Variants in OIT3 observed in about 807,000 individuals in gnomAD.
OIT3 encodes oncoprotein induced transcript 3, also known as oncoprotein-induced transcript 3 protein.
In OIT3, 41 loss-of-function variants were observed where a neutral mutation model predicts 52.2. That is an observed-to-expected ratio of 0.79 (90% CI 0.61 to 1.02). The LOEUF (loss-of-function observed/expected upper bound fraction) is 1.02, where lower values mean the gene tolerates loss of function less well. Among genes scored for constraint, OIT3 ranks in the 50% least tolerant of loss-of-function variants. The pLI, the probability that OIT3 is intolerant of heterozygous loss-of-function variation, is 0.00. For missense variants in OIT3, 634 were observed against 715.5 expected (o/e 0.89, Z 1.30); for synonymous variants, 244 against 276.9 (o/e 0.88, Z 1.18).
In OIT3 at chr10:72,932,438, CG is replaced by C. The variant is rs1564598248; in HGVS notation, c.1553del (p.Arg518LeufsTer17). On this transcript the variant is annotated frameshift_variant, in exon 9 of 9. Coordinates refer to ENST00000334011, the MANE Select transcript of OIT3 (RefSeq NM_152635.3). LOFTEE classifies it low-confidence loss of function (END_TRUNC). Reference protein sequence around the residue: ...RCAQGCHRRMRRGAGGEDSAG... With the variant: ...RCAQGCHRRMXRGAGGEDSAG... ...TGCCCAGGGTTGCCACCGGCGAATGCGTCGTGGGGCAGGAGGAGAGGACTCA... is the reference window on the plus strand; with the variant it reads ...TGCCCAGGGTTGCCACCGGCGAATGCTCGTGGGGCAGGAGGAGAGGACTCA... 3 of 1,614,040 alleles carry C rather than the reference CG, an allele frequency of 1.9e-6. No individual in the cohort carries two copies. In the Admixed American group the frequency reaches 5.0e-5, roughly 27 times the overall value.
chr10:72,921,163 T>C (rs774015802), intron 6 of OIT3, among the ~76,000 whole-genome samples: 6 of 152,200 alleles, frequency 3.9e-5, no homozygotes, highest in Non-Finnish European at 8.8e-5. Context: ...GAACCCTTTA[T>C]CATTATGTGA....
chr10:72,913,635 C>A, intron 6 of OIT3, 167 bp downstream of exon 6: 1 of 706,436 alleles, frequency 1.4e-6, no homozygotes, highest in Non-Finnish European at 2.6e-6. Flanking sequence ...TGTTATTGAG[C>A]ATCTGCTGTG....
intron 1 of OIT3, among the ~76,000 whole-genome samples, chr10:72,898,391 A>C (rs1442995082): frequency 6.6e-6 from 1 of 152,212 alleles, no homozygotes; most frequent in Non-Finnish European, 1.5e-5. Flanking sequence ...CCTTGGTCTG[A>C]TCAACTATCC....
At chr10:72,903,146 G>T (rs1419267755) in intron 3 of OIT3, among the ~76,000 whole-genome samples, 1 of 151,974 alleles carries the variant, frequency 6.6e-6, no homozygotes, top group Admixed American at 6.6e-5. Context: ...AATTTGTTCA[G>T]GCAGCATACA....
chr10:72,924,988 G>A (rs1035661622), intron 7 of OIT3, among the ~76,000 whole-genome samples: 1 of 151,970 alleles, frequency 6.6e-6, no homozygotes, highest in Admixed American at 6.6e-5. Context: ...GCAGGCACCT[G>A]TAATCCCAGC....
intron 6 of OIT3, among the ~76,000 whole-genome samples, chr10:72,921,949 G>A (rs1846125402): frequency 6.6e-6 from 1 of 152,122 alleles, no homozygotes; most frequent in South Asian, 2.1e-4. Context: ...TGGGACTACA[G>A]GTGTGAGCCA....
At chr10:72,899,202 A>C (rs1379241619) in intron 2 of OIT3, among the ~76,000 whole-genome samples, 164 bp downstream of exon 2, 1 of 152,192 alleles carries the variant, frequency 6.6e-6, no homozygotes, top group Non-Finnish European at 1.5e-5. Flanking sequence ...TCTTCTTAGA[A>C]CTTCTGAAAA....
chr10:72,923,970 G>C (rs1002563438), intron 6 of OIT3, among the ~76,000 whole-genome samples: 1 of 152,242 alleles, frequency 6.6e-6, no homozygotes, highest in Non-Finnish European at 1.5e-5. Context: ...CCCCCTCAGA[G>C]ATAAGGAGCA....
chr10:72,899,715 A>G (rs1845912479), intron 2 of OIT3, among the ~76,000 whole-genome samples: 2 of 126,608 alleles, frequency 1.6e-5, no homozygotes, highest in African/African-American at 6.4e-5. Flanking sequence ...ATAGATAGAT[A>G]GATAGATAGA....
intron 6 of OIT3, among the ~76,000 whole-genome samples, chr10:72,915,542 A>G (rs1345416352): frequency 6.6e-6 from 1 of 152,168 alleles, no homozygotes; most frequent in Non-Finnish European, 1.5e-5. Flanking sequence ...TATTTAACAT[A>G]CATTATAGAT....
chr10:72,904,099 C>G (rs1425540440), intron 3 of OIT3, among the ~76,000 whole-genome samples: 2 of 152,194 alleles, frequency 1.3e-5, no homozygotes, highest in African/African-American at 4.8e-5. Context: ...TGGAAAAGCA[C>G]TGTGAAAATC....
intron 2 of OIT3, among the ~76,000 whole-genome samples, chr10:72,899,703 TGATAGATAGATAGATAGATAGATAGATA>T (rs373777568): frequency 1.7e-3 from 240 of 144,958 alleles, no homozygotes; most frequent in South Asian, 5.5e-3. Flanking sequence ...GATAGATAGA[TGATAGATAGATAGATAGATAGATAGATA>T]GATAGATAGA....
intron 7 of OIT3, among the ~76,000 whole-genome samples, chr10:72,928,450 G>T (rs1472916986): frequency 6.6e-6 from 1 of 152,102 alleles, no homozygotes; most frequent in Non-Finnish European, 1.5e-5. Flanking sequence ...GTGTTACCTT[G>T]TAATAACCCC....
At chr10:72,906,970 A>T (rs2132931985) in intron 4 of OIT3, among the ~76,000 whole-genome samples, 1 of 152,300 alleles carries the variant, frequency 6.6e-6, no homozygotes, top group Middle Eastern at 3.4e-3. Flanking sequence ...GTGAGAAATA[A>T]AAATAGGGTG....
rs1377846005 is a variant in OIT3 at position 72,930,284 on chromosome 10, T to TAA, written c.1368-253_1368-252dup. On this transcript the variant is annotated intron_variant, in intron 7 of 8. Transcript: ENST00000334011. ...TTGCCAACACTTAAACGCATTAACTTAACAGGAAGCCCTGGTGCCCAGTTT... is the reference window on the plus strand; with the variant it reads ...TTGCCAACACTTAAACGCATTAACTTAAAACAGGAAGCCCTGGTGCCCAGTTT... Among the ~76,000 whole-genome samples the TAA allele has an allele frequency of 3.3e-5, 5 of 152,302 alleles. No individual in the cohort carries two copies. The East Asian group carries it at 9.6e-4, about 29-fold the overall frequency.
At chr10:72,930,688 T>C in intron 8 of OIT3, 51 bp downstream of exon 8, 1 of 1,223,296 alleles carries the variant, frequency 8.2e-7, no homozygotes, top group Non-Finnish European at 1.2e-6. Context: ...CCTTTTTTTT[T>C]TTTTTTTTGG....
At chr10:72,900,963 G>A (rs933828360) in intron 3 of OIT3, among the ~76,000 whole-genome samples, 1 of 152,058 alleles carries the variant, frequency 6.6e-6, no homozygotes, top group African/African-American at 2.4e-5. Context: ...AGCTCCTCAG[G>A]AGGCTGAGGT....
Position 72,924,289 on chromosome 10 carries a change from GGGAGCAGCGGGGAC to G in OIT3, c.1013_1026del (p.Gly338ValfsTer24). The G allele has an allele frequency of 6.2e-7, 1 of 1,613,812 alleles. No homozygotes were observed. The highest frequency in any genetic ancestry group is 8.5e-7 in the Non-Finnish European group (1 of 1,179,816). On this transcript the variant is annotated frameshift_variant, in exon 7 of 9. Coordinates refer to ENST00000334011, the MANE Select transcript of OIT3 (RefSeq NM_152635.3). LOFTEE classifies it high-confidence loss of function. Reference sequence around the variant, plus strand: ...GACAGGTCTACCCAAGCAGACCCCGGGGAGCAGCGGGGACTTCATCATCCGAACCAGCAAGCTGC... The same window carrying G: ...GACAGGTCTACCCAAGCAGACCCCGGTTCATCATCCGAACCAGCAAGCTGC...
At chr10:72,910,984 A>AT (rs886125800) in intron 4 of OIT3, among the ~76,000 whole-genome samples, 87 of 149,590 alleles carry the variant, frequency 5.8e-4, no homozygotes, top group African/African-American at 1.4e-3. Flanking sequence ...CACAAAGGTC[A>AT]TTTTTTTTTT....
Sources: gnomAD v4.1 joint callset for allele counts (sites outside exome capture counted in the v4.1 genomes callset) on GRCh38, gnomAD v4.1.1 for gene constraint, MANE v1.5 for transcripts, NCBI Gene and HGNC (gene_info 2026-07-23, HGNC 2026-07-21) for gene names.